The following SLC39A8 variants were observed in gnomAD, a reference collection of about 807,000 sequenced individuals.
SLC39A8 encodes metal cation symporter ZIP8.
SLC39A8 carries 15 observed loss-of-function variants against 40.4 expected under a neutral mutation model. That is an observed-to-expected ratio of 0.37 (90% confidence interval 0.25 to 0.57). The LOEUF (loss-of-function observed/expected upper bound fraction) is 0.57, where lower values mean the gene tolerates loss of function less well. SLC39A8 is among the 20% of genes least tolerant of loss of function. The pLI, the probability that SLC39A8 is intolerant of heterozygous loss-of-function variation, is 0.75. For synonymous variants in SLC39A8, 223 were observed against 221.6 expected (o/e 1.01, Z -0.06); for missense variants, 472 against 558.8 (o/e 0.84, Z 1.57).
At chr4:102,296,492 G>C (rs1733681980) in intron 6 of SLC39A8, among the ~76,000 whole-genome samples, 1 of 152,042 alleles carries the variant, frequency 6.6e-6, no homozygotes, top group Non-Finnish European at 1.5e-5. Context: ...TATCACAAGT[G>C]TACAATGTAT....
chr4:102,284,696 A>C (rs1303049059), intron 6 of SLC39A8, among the ~76,000 whole-genome samples: 1 of 152,190 alleles, frequency 6.6e-6, no homozygotes, highest in Non-Finnish European at 1.5e-5. Flanking sequence ...GATTTTGATC[A>C]AAGTCACAAA....
At chr4:102,338,596 G>A (rs1011048902) in intron 2 of SLC39A8, among the ~76,000 whole-genome samples, 1 of 152,196 alleles carries the variant, frequency 6.6e-6, no homozygotes, top group South Asian at 2.1e-4. Flanking sequence ...AATGTAACCA[G>A]ATAGGCAGTC....
chr4:102,318,819 G>A (rs908485584), intron 2 of SLC39A8, among the ~76,000 whole-genome samples: 2 of 152,150 alleles, frequency 1.3e-5, no homozygotes, highest in Non-Finnish European at 2.9e-5. Context: ...ATGTGCTTTC[G>A]CCAGCTCCTT....
At chr4:102,305,697 C>T (rs961912440) in intron 4 of SLC39A8, among the ~76,000 whole-genome samples, 12 of 151,746 alleles carry the variant, frequency 7.9e-5, no homozygotes, top group African/African-American at 2.7e-4. Context: ...TGCCACCACT[C>T]TCTCTCTCTC....
intron 6 of SLC39A8, among the ~76,000 whole-genome samples, chr4:102,283,018 A>T (rs1444705324): frequency 6.6e-6 from 1 of 152,070 alleles, no homozygotes; most frequent in Non-Finnish European, 1.5e-5. Context: ...GAGCCACCAC[A>T]CCCAGCCCTC....
At chr4:102,256,697 C>T (rs1040811023), downstream of SLC39A8, among the ~76,000 whole-genome samples, 17 of 152,216 alleles carry the variant, frequency 1.1e-4, no homozygotes, top group African/African-American at 2.4e-4. Context: ...CTCCCATATA[C>T]GCACTTGTTG....
At chr4:102,278,465 C>T (rs1367452224) in intron 6 of SLC39A8, among the ~76,000 whole-genome samples, 1 of 152,076 alleles carries the variant, frequency 6.6e-6, no homozygotes, top group African/African-American at 2.4e-5. Context: ...GTTAGAATGT[C>T]GATCACTAAA....
chr4:102,319,037 T>C (rs146303440), intron 2 of SLC39A8, among the ~76,000 whole-genome samples: 4 of 152,290 alleles, frequency 2.6e-5, no homozygotes, highest in African/African-American at 7.2e-5. Context: ...CAAATGGGCC[T>C]TGTATGTGTG....
chr4:102,278,653 G>T (rs1311565788), intron 6 of SLC39A8, among the ~76,000 whole-genome samples: 5 of 152,102 alleles, frequency 3.3e-5, no homozygotes, highest in Non-Finnish European at 5.9e-5. Flanking sequence ...ATACCCAAAG[G>T]ATTATAAATC....
chr4:102,320,230 TATATATATATGAGA>T (rs1734866962), intron 2 of SLC39A8, among the ~76,000 whole-genome samples: 1 of 132,802 alleles, frequency 7.5e-6, no homozygotes, highest in Non-Finnish European at 1.5e-5. Flanking sequence ...TATGTATGAG[TATATATATATGAGA>T]ATATATATAT....
intron 3 of SLC39A8, among the ~76,000 whole-genome samples, chr4:102,314,240 C>G (rs547865464): frequency 2.8e-4 from 42 of 152,104 alleles, no homozygotes; most frequent in Middle Eastern, 3.4e-3. Flanking sequence ...ACTGCTTCTC[C>G]CCACTTCTAC....
intron 6 of SLC39A8, among the ~76,000 whole-genome samples, chr4:102,297,273 G>A (rs141622054): frequency 2.0e-4 from 30 of 152,132 alleles, no homozygotes; most frequent in African/African-American, 7.0e-4. Context: ...CCAGGAAACA[G>A]GATTCCTGCA....
Position 102,344,810 on chromosome 4 carries a change from C to T in SLC39A8, c.-148G>A. The T allele has an allele frequency of 3.0e-6, 4 of 1,321,596 alleles. No individual in the cohort carries two copies. Among genetic ancestry groups the T allele is most frequent in the African/African-American group, 3.1e-5 (2 of 64,686 alleles). 81.9% of individuals were successfully genotyped at this position (1,321,596 alleles called of 1,614,324 possible). A position where few individuals can be genotyped will look rare whatever the true frequency, so the allele number is the denominator to read the frequency against. ...GGTGGCGCGGGACGCCCCTGGTTCT[C>T]CGACGCCTTCGAAAGAACAGCAGCT... On this transcript the variant is annotated 5_prime_UTR_variant, in exon 2 of 9. Transcript: ENST00000356736.
chr4:102,290,447 G>T lies in SLC39A8; in HGVS notation c.840+13870C>A, dbSNP rs1733375870. On this transcript the variant is annotated intron_variant, in intron 6 of 8. Transcript: ENST00000356736. ...CTGAGCAGGGACAGCCTTCCAGGAG[G>T]TAAAGAACATAATGATGTTTCTGGA... Among the ~76,000 whole-genome samples the T allele has an allele frequency of 2.0e-5, 3 of 152,240 alleles. No individual in the cohort carries two copies. The South Asian group carries it at 6.2e-4, about 32-fold the overall frequency.
intron 6 of SLC39A8, among the ~76,000 whole-genome samples, chr4:102,271,201 G>A (rs537936650): frequency 3.5e-4 from 54 of 152,178 alleles, no homozygotes; most frequent in Non-Finnish European, 1.5e-5. Context: ...GGAGCAGGAA[G>A]AGGACTAAAA....
chr4:102,255,076 C>T (rs1560519935), intron 11 of SLC39A8, among the ~76,000 whole-genome samples: 1 of 152,134 alleles, frequency 6.6e-6, no homozygotes. Flanking sequence ...TTTTTGCTCA[C>T]CACTACTGGA....
At chr4:102,323,972 C>T (rs1404199000) in intron 2 of SLC39A8, among the ~76,000 whole-genome samples, 1 of 152,122 alleles carries the variant, frequency 6.6e-6, no homozygotes, top group Non-Finnish European at 1.5e-5. Context: ...TCAAAAATAA[C>T]CCTACAATAA....
At chr4:102,278,955 C>A (rs1004537365) in intron 6 of SLC39A8, among the ~76,000 whole-genome samples, 1 of 150,950 alleles carries the variant, frequency 6.6e-6, no homozygotes, top group Non-Finnish European at 1.5e-5. Flanking sequence ...TGAGAACTTA[C>A]GGGCACAGGG....
Position 102,305,088 on chromosome 4 carries a change from G to T in SLC39A8, c.576C>A (p.Val192=). ...IPEAFGFDPK[V]DSYVEKAVAV... is the part of the protein sequence containing the mutation. ...CAACTGCCTTCTCAACATAACTGTC[G>T]ACTTTGGGATCAAATCCAAATGCCT... Residue 192 remains valine (V), a synonymous_variant, in exon 5 of 9, where the codon GTC becomes GTA. Coordinates refer to ENST00000356736, the MANE Select transcript of SLC39A8 (RefSeq NM_001135146.2). 6.2e-7 allele frequency: 1 copy of T among 1,608,202 alleles called. No individual in the cohort carries two copies. The highest frequency in any genetic ancestry group is 8.5e-7 in the Non-Finnish European group (1 of 1,177,550).
Sources: gnomAD v4.1 joint callset for allele counts (sites outside exome capture counted in the v4.1 genomes callset) on GRCh38, gnomAD v4.1.1 for gene constraint, MANE v1.5 for transcripts, NCBI Gene and HGNC (gene_info 2026-07-23, HGNC 2026-07-21) for gene names.